PPARGC1A: variants seen among roughly 807,000 people sequenced by gnomAD.
PPARGC1A encodes PPARG coactivator 1 alpha, also known as peroxisome proliferator-activated receptor gamma coactivator 1-alpha.
A neutral mutation model predicts 88.7 loss-of-function variants in PPARGC1A; 25 were observed. That is an observed-to-expected ratio of 0.28 (90% CI 0.21 to 0.39). PPARGC1A has a LOEUF of 0.39. Among genes scored for constraint, PPARGC1A ranks in the 10% least tolerant of loss-of-function variants. The probability of loss-of-function intolerance (pLI) is 1.00; values close to 1 mark genes in which losing one functional copy is unlikely to be tolerated. For synonymous variants in PPARGC1A, 363 were observed against 355.6 expected, an observed-to-expected ratio of 1.02 and a Z score of -0.24; for missense variants, 880 against 968.7, an observed-to-expected ratio of 0.91 and a Z score of 1.22.
the PPARGC1A span, among the ~76,000 whole-genome samples, chr4:24,019,852 C>A: frequency 3.3e-5 from 5 of 152,144 alleles, no homozygotes; most frequent in African/African-American, 1.2e-4. Flanking sequence ...AAAGGGAATA[C>A]CACAAAAGAA....
At chr4:24,369,157 G>T in the PPARGC1A span, among the ~76,000 whole-genome samples, 8 of 152,122 alleles carry the variant, frequency 5.3e-5, no homozygotes, top group Admixed American at 5.2e-4. Context: ...GGAAGAGCAG[G>T]GTGAGAACAT....
chr4:24,185,771 A>G, the PPARGC1A span, among the ~76,000 whole-genome samples: 13 of 150,146 alleles, frequency 8.7e-5, no homozygotes, highest in Admixed American at 3.3e-4. Context: ...ATATCTCCCA[A>G]TGCTATCCCT....
In PPARGC1A at chr4:23,817,959, G is replaced by C. The variant is rs188982370; in HGVS notation, c.878-3354C>G. Reference sequence around the variant, plus strand: ...CTGATGAGACAGGCAACCCCTTGCTGCCTCTGAACTAGTTGTTATTTCTCT... The same window carrying C: ...CTGATGAGACAGGCAACCCCTTGCTCCCTCTGAACTAGTTGTTATTTCTCT... On this transcript the variant is annotated intron_variant, in intron 7 of 12. Transcript: ENST00000264867. 2.2e-4 allele frequency among the ~76,000 whole-genome samples: 33 copies of C among 152,254 alleles called. No individual in the cohort carries two copies. In the Middle Eastern group the frequency reaches 0.01, roughly 47 times the overall value.
At chr4:24,102,847 A>T in the PPARGC1A span, among the ~76,000 whole-genome samples, 1 of 152,182 alleles carries the variant, frequency 6.6e-6, no homozygotes, top group East Asian at 1.9e-4. Flanking sequence ...TTGTAGATAC[A>T]ACTTCCCAGC....
At chr4:24,010,743 C>T in the PPARGC1A span, among the ~76,000 whole-genome samples, 20 of 152,238 alleles carry the variant, frequency 1.3e-4, no homozygotes, top group African/African-American at 4.8e-4. Flanking sequence ...TCATGGAGAA[C>T]AATAAGAACT....
the PPARGC1A span, among the ~76,000 whole-genome samples, chr4:24,387,220 T>G: frequency 6.6e-6 from 1 of 152,118 alleles, no homozygotes; most frequent in Non-Finnish European, 1.5e-5. Flanking sequence ...CCTTTTCTTA[T>G]ACCTTTATAC....
At chr4:24,197,709 C>A in the PPARGC1A span, among the ~76,000 whole-genome samples, 2 of 152,162 alleles carry the variant, frequency 1.3e-5, no homozygotes, top group African/African-American at 4.8e-5. Context: ...GGTGGTGCCA[C>A]CTTGCAAAGG....
chr4:24,232,810 G>C, the PPARGC1A span, among the ~76,000 whole-genome samples: 1 of 152,172 alleles, frequency 6.6e-6, no homozygotes, highest in Non-Finnish European at 1.5e-5. Context: ...GTCCTAGAAG[G>C]ATTATGCTAA....
the PPARGC1A span, among the ~76,000 whole-genome samples, chr4:24,114,083 C>G: frequency 7.2e-6 from 1 of 139,686 alleles, no homozygotes; most frequent in Non-Finnish European, 1.5e-5. Flanking sequence ...GAGATCGTGC[C>G]ACTGCACTCC....
intron 2 of PPARGC1A, chr4:23,881,210 A>G (rs952296451): frequency 6.6e-6 from 1 of 152,206 alleles, no homozygotes; most frequent in African/African-American, 2.4e-5. Flanking sequence ...CCAGGGACGC[A>G]TCCTGTTTTC....
the PPARGC1A span, among the ~76,000 whole-genome samples, chr4:24,111,119 T>C: frequency 2.0e-5 from 3 of 152,314 alleles, no homozygotes; most frequent in East Asian, 5.8e-4. Context: ...AGGGAGATTA[T>C]TGCAAACGTT....
the PPARGC1A span, among the ~76,000 whole-genome samples, chr4:24,132,992 T>C: frequency 1.3e-5 from 2 of 152,250 alleles, no homozygotes; most frequent in African/African-American, 4.8e-5. Flanking sequence ...CTCTGAAGAC[T>C]GCAGTCAAGT....
At chr4:24,167,425 T>A in the PPARGC1A span, among the ~76,000 whole-genome samples, 2 of 152,222 alleles carry the variant, frequency 1.3e-5, no homozygotes, top group Non-Finnish European at 1.5e-5. Flanking sequence ...GAATATTACA[T>A]AAACTTAGTT....
the PPARGC1A span, among the ~76,000 whole-genome samples, chr4:24,190,274 G>C: frequency 6.6e-6 from 1 of 152,210 alleles, no homozygotes; most frequent in African/African-American, 2.4e-5. Context: ...CCAGCACTTT[G>C]GGAGGCCGAG....
chr4:24,001,668 C>T, the PPARGC1A span, among the ~76,000 whole-genome samples: 13 of 151,956 alleles, frequency 8.6e-5, no homozygotes, highest in African/African-American at 2.9e-4. Flanking sequence ...TGTGAAGGGG[C>T]GAAGGTGGGG....
chr4:23,855,736 A>G, intron 2 of PPARGC1A, among the ~76,000 whole-genome samples: 1 of 152,146 alleles, frequency 6.6e-6, no homozygotes, highest in East Asian at 1.9e-4. Context: ...AGATTGAGAA[A>G]TCCTGGGAGA....
the PPARGC1A span, among the ~76,000 whole-genome samples, chr4:24,043,858 T>A: frequency 6.6e-6 from 1 of 151,442 alleles, no homozygotes; most frequent in African/African-American, 2.4e-5. Context: ...ATTTTGTTTA[T>A]TTTTTTTGTC....
Position 23,794,139 on chromosome 4 carries a change from G to T in PPARGC1A, c.*1683C>A, listed in dbSNP as rs1246927313. The T allele has an allele frequency of 6.6e-6, 1 of 152,470 alleles. No individual in the cohort carries two copies. The highest frequency in any genetic ancestry group is 1.5e-5 in the Non-Finnish European group (1 of 67,996). 9.4% of individuals were successfully genotyped at this position (152,470 alleles called of 1,614,324 possible). ...ACTATAATTATTACCTCAGCATTTT[G>T]TATCAAATTAAAATCACAAAAATTA... is the stretch of plus-strand genomic sequence containing the variant. On this transcript the variant is annotated 3_prime_UTR_variant, in exon 13 of 13. Coordinates refer to ENST00000264867, the MANE Select transcript of PPARGC1A (RefSeq NM_013261.5).
chr4:23,988,725 T>G, the PPARGC1A span, among the ~76,000 whole-genome samples: 1 of 151,302 alleles, frequency 6.6e-6, no homozygotes, highest in African/African-American at 2.4e-5. Context: ...GCATCGTAAG[T>G]TTATGTGTTT....
Sources: gnomAD v4.1 joint callset for allele counts (sites outside exome capture counted in the v4.1 genomes callset) on GRCh38, gnomAD v4.1.1 for gene constraint, MANE v1.5 for transcripts, NCBI Gene and HGNC (gene_info 2026-07-23, HGNC 2026-07-21) for gene names.